Variants in CENPF observed in about 807,000 individuals in gnomAD.
The protein encoded by CENPF is AH antigen.
CENPF carries 214 observed loss-of-function variants against 307.3 expected under a neutral mutation model. The ratio of observed to expected loss-of-function variants is 0.70; its 90% CI spans 0.62 to 0.78. The LOEUF is 0.78. CENPF is among the 30% of genes least tolerant of loss of function. CENPF has a pLI of 0.00. For synonymous variants in CENPF, 1,259 were observed against 1,270.6 expected, an observed-to-expected ratio of 0.99 and a Z score of 0.19; for missense variants, 3,401 against 3,483.9, an observed-to-expected ratio of 0.98 and a Z score of 0.60.
intron 10 of CENPF, among the ~76,000 whole-genome samples, chr1:214,633,395 A>G (rs955008542): frequency 5.3e-5 from 8 of 152,254 alleles, no homozygotes; most frequent in African/African-American, 1.9e-4. Flanking sequence ...AACAATTTGA[A>G]GAGAGCCATA....
chr1:214,660,804 G>A (rs778303411), intron 19 of CENPF, among the ~76,000 whole-genome samples: 1 of 152,094 alleles, frequency 6.6e-6, no homozygotes, highest in Non-Finnish European at 1.5e-5. Flanking sequence ...GTAATCTCTT[G>A]TTTAAATATC....
intron 1 of CENPF, chr1:214,613,259 C>A: frequency 4.0e-6 from 1 of 248,284 alleles, no homozygotes; most frequent in South Asian, 6.0e-5. Context: ...CATCCCTGTC[C>A]ATCTTGTCCC....
At position 214,647,117 on chromosome 1, in the gene CENPF, A is replaced by G; in HGVS notation, c.7547A>G (p.Lys2516Arg). 1.2e-6 allele frequency: 2 copies of G among 1,614,062 alleles called. No individual in the cohort carries two copies. Among genetic ancestry groups the G allele is most frequent in the Middle Eastern group, 1.6e-4 (1 of 6,062 alleles). ...LIQEVEDGKQ[K>R]LEKKDEEISR... ...CAAGAAGTAGAAGATGGCAAGCAGAAACTGGAGAAGAAGGATGAAGAAATC... is the reference window on the plus strand; with the variant it reads ...CAAGAAGTAGAAGATGGCAAGCAGAGACTGGAGAAGAAGGATGAAGAAATC... The change falls in exon 13 of 20, where the codon AAA becomes AGA. Residue 2516 changes from lysine to arginine, a missense_variant. Transcript: ENST00000366955.
intron 7 of CENPF, among the ~76,000 whole-genome samples, chr1:214,628,473 C>T (rs1037635269): frequency 6.6e-5 from 10 of 152,088 alleles, no homozygotes; most frequent in African/African-American, 2.2e-4. Flanking sequence ...GACAGAATCT[C>T]GCTCTAATTG....
In CENPF at chr1:214,622,275, A is replaced by C. The variant is rs1467888562; in HGVS notation, c.1062A>C (p.Ser354=). Reference sequence around the variant, plus strand: ...CAACAGCACAATACGACCAGGCGTCAACCAAGGTACTTGACTTTTCGTGAA... The same window carrying C: ...CAACAGCACAATACGACCAGGCGTCCACCAAGGTACTTGACTTTTCGTGAA... ...VRTTAQYDQA[S]TKYTALEQKL... is the part of the protein sequence containing the mutation. The change falls in exon 7 of 20, where the codon TCA becomes TCC. Residue 354 remains serine, a synonymous_variant. Coordinates refer to ENST00000366955, the MANE Select transcript of CENPF (RefSeq NM_016343.4). 3 of 1,606,274 alleles carry C rather than the reference A, an allele frequency of 1.9e-6. No homozygotes were observed. Among genetic ancestry groups the C allele is most frequent in the Non-Finnish European group, 2.5e-6 (3 of 1,177,558 alleles).
intron 1 of CENPF, chr1:214,608,986 C>G: frequency 2.5e-6 from 2 of 787,444 alleles, no homozygotes; most frequent in Non-Finnish European, 3.6e-6. Flanking sequence ...ACGGCAGCCC[C>G]GTTAGGAGGC....
At chr1:214,605,969 G>A (rs987025884) in intron 1 of CENPF, 11 of 1,597,166 alleles carry the variant, frequency 6.9e-6, no homozygotes, top group African/African-American at 2.7e-5. Context: ...CGAGGTGAGC[G>A]GCGAATGCAG....
chr1:214,619,229 A>C lies in CENPF; in HGVS notation c.573+9A>C, dbSNP rs1399727961. ...AAGCCTTGCAGGCTAAAGTAAGTTAATTATGGGCCCTATAATAGAGTATGC... is the reference window on the plus strand; with the variant it reads ...AAGCCTTGCAGGCTAAAGTAAGTTACTTATGGGCCCTATAATAGAGTATGC... On this transcript the variant is annotated intron_variant, in intron 5 of 19. Coordinates refer to ENST00000366955, the MANE Select transcript of CENPF (RefSeq NM_016343.4). The C allele has an allele frequency of 7.5e-7, 1 of 1,331,490 alleles. No homozygotes were observed. The highest frequency in any genetic ancestry group is 1.5e-5 in the African/African-American group (1 of 68,128). 82.5% of individuals were successfully genotyped at this position (1,331,490 alleles called of 1,614,324 possible). A position where few individuals can be genotyped will look rare whatever the true frequency, so the allele number is the denominator to read the frequency against.
chr1:214,630,368 T>C (rs553928646), intron 8 of CENPF, among the ~76,000 whole-genome samples, 166 bp from the exon 9 acceptor site: 1 of 152,276 alleles, frequency 6.6e-6, no homozygotes, highest in East Asian at 1.9e-4. Flanking sequence ...GAGGGCAGCA[T>C]GGAGCACCAA....
intron 8 of CENPF, among the ~76,000 whole-genome samples, chr1:214,630,256 A>G (rs1418175971): frequency 2.0e-5 from 3 of 152,114 alleles, no homozygotes; most frequent in Non-Finnish European, 4.4e-5. Flanking sequence ...AAGTAGAGGT[A>G]ATTAATTTAA....
intron 2 of CENPF, among the ~76,000 whole-genome samples, 159 bp downstream of exon 2, chr1:214,614,075 T>G: frequency 1.8e-5 from 2 of 111,788 alleles, no homozygotes; most frequent in South Asian, 3.4e-4. Flanking sequence ...TCCTCTCCCC[T>G]CCCCCACCCC....
At chr1:214,632,362 G>A in intron 9 of CENPF, 118 bp from the exon 10 acceptor site, 2 of 1,139,688 alleles carry the variant, frequency 1.8e-6, no homozygotes, top group Non-Finnish European at 2.5e-6. Flanking sequence ...CTGTATCTCA[G>A]CCAAAATAGA....
chr1:214,651,894 G>A lies in CENPF; in HGVS notation c.8160+8G>A, dbSNP rs768572453. ...TTGGACACAAACAAACAGGTGAAATGTGGGGTTTGGTTACTGGGGGAGCTG... is the reference window on the plus strand; with the variant it reads ...TTGGACACAAACAAACAGGTGAAATATGGGGTTTGGTTACTGGGGGAGCTG... On this transcript the variant is annotated splice_region_variant and intron_variant, in intron 15 of 19. Transcript: ENST00000366955. The A allele has an allele frequency of 1.9e-6, 3 of 1,590,128 alleles. No individual in the cohort carries two copies. Among genetic ancestry groups the A allele is most frequent in the East Asian group, 4.5e-5 (2 of 44,662 alleles).
intron 11 of CENPF, among the ~76,000 whole-genome samples, chr1:214,639,372 C>G (rs939880872): frequency 3.3e-5 from 5 of 152,152 alleles, no homozygotes; most frequent in Admixed American, 3.3e-4. Flanking sequence ...CAGGAATATT[C>G]ACATATAGGC....
intron 1 of CENPF, among the ~76,000 whole-genome samples, chr1:214,606,304 C>T (rs1218607177): frequency 6.6e-6 from 1 of 152,046 alleles, no homozygotes; most frequent in Non-Finnish European, 1.5e-5. Flanking sequence ...CTGGCGCTGC[C>T]GTTCCCTGGC....
chr1:214,661,464 T>A lies in CENPF; in HGVS notation c.9142-2127T>A, dbSNP rs566464888. On this transcript the variant is annotated intron_variant, in intron 19 of 19. Coordinates refer to ENST00000366955, the MANE Select transcript of CENPF (RefSeq NM_016343.4). ...TGCTTAGAAACTCAGGGTTGTGAGTTCTCCTTTGAGGTGACTGGCTGGGTT... is the reference window on the plus strand; with the variant it reads ...TGCTTAGAAACTCAGGGTTGTGAGTACTCCTTTGAGGTGACTGGCTGGGTT... Among the ~76,000 whole-genome samples the A allele has an allele frequency of 2.6e-5, 4 of 152,330 alleles. No homozygotes were observed. The South Asian group carries it at 8.3e-4, about 32-fold the overall frequency.
intron 11 of CENPF, among the ~76,000 whole-genome samples, chr1:214,638,563 A>G (rs1423295975): frequency 6.6e-6 from 1 of 152,250 alleles, no homozygotes; most frequent in Non-Finnish European, 1.5e-5. Context: ...GATGTCTTCT[A>G]CATACCCTTT....
rs1279626394 is a variant in CENPF at position 214,659,754 on chromosome 1, A to C, written c.9141+726A>C. Among the ~76,000 whole-genome samples, 1 of 152,222 alleles carries C rather than the reference A, an allele frequency of 6.6e-6. No individual in the cohort carries two copies. The highest frequency in any genetic ancestry group is 1.5e-5 in the Non-Finnish European group (1 of 68,046). On this transcript the variant is annotated intron_variant, in intron 19 of 19. Transcript: ENST00000366955. This position sits in a 1 kb window ranked among gnomAD's most constrained non-coding sequence, Gnocchi z 4.4. ...AAAGAGTGAAGAACGTGAGACTCAT[A>C]AAGATGTAACCTCCCAGTGTGAACC... is the stretch of plus-strand genomic sequence containing the variant.
In CENPF at chr1:214,648,727, T is replaced by G. The variant is rs1447619180; in HGVS notation, c.7883T>G (p.Met2628Arg). 1 of 1,613,920 alleles carries G rather than the reference T, an allele frequency of 6.2e-7. No homozygotes were observed. The highest frequency in any genetic ancestry group is 1.7e-5 in the Admixed American group (1 of 59,996). The change falls in exon 14 of 20, where the codon ATG (methionine) becomes AGG (arginine). Residue 2628 changes from methionine (M) to arginine (R), a missense_variant. Transcript: ENST00000366955. ...GAGCTGCAGAGGGAAATGCATGAGA[T>G]GGCACAGAAAACAGCAGAGCTGCAA... ...ETELQREMHE[M>R]AQKTAELQEE...
Sources: allele counts gnomAD v4.1 joint callset (sites outside exome capture counted in the v4.1 genomes callset), GRCh38; gene constraint gnomAD v4.1.1; non-coding constraint Gnocchi (gnomAD v3.1); transcripts MANE v1.5; gene names NCBI Gene and HGNC (gene_info 2026-07-23, HGNC 2026-07-21).